The following LTN1 variants were observed in gnomAD, a reference collection of about 807,000 sequenced individuals.
LTN1 encodes listerin E3 ubiquitin protein ligase 1.
LTN1 carries 88 observed loss-of-function variants against 201.2 expected under a neutral mutation model. That is an observed-to-expected ratio of 0.44 (90% CI 0.37 to 0.52). The LOEUF is 0.52. LTN1 is among the 20% of genes least tolerant of loss of function. The pLI, the probability that LTN1 is intolerant of heterozygous loss-of-function variation, is 0.00. For synonymous variants in LTN1, 645 were observed against 713.5 expected (o/e 0.90, Z 1.53); for missense variants, 1,752 against 2,038.7 (o/e 0.86, Z 2.71).
rs2084683841 is a variant in LTN1, at chr21:28,984,754, C to T, written c.514G>A (p.Ala172Thr). 15 of 1,614,132 alleles carry T rather than the reference C, an allele frequency of 9.3e-6. No homozygotes were observed. Among genetic ancestry groups the T allele is most frequent in the Non-Finnish European group, 1.3e-5 (15 of 1,180,012 alleles). ...GGTTGCTTGCTTGGAGGAAAAGCCG[C>T]TTCAAATGCATCTTTTGCTGCAAAC... ...AAFAAKDAFEAAFPPSKQPEA... is the reference protein window; with the variant it reads ...AAFAAKDAFETAFPPSKQPEA... Residue 172 changes from alanine (A) to threonine (T), a missense_variant, in exon 4 of 30, where the codon GCG becomes ACG. Physicochemically the swap from Ala to Thr is moderately conservative, Grantham distance 58. Around this residue, in one of 3 missense-constraint regions of LTN1, gnomAD observed 280 missense variants for 375.7 expected, o/e 0.75. Transcript: ENST00000361371.
At chr21:28,953,686 A>G (rs1317436105) in intron 16 of LTN1, among the ~76,000 whole-genome samples, 1 of 152,204 alleles carries the variant, frequency 6.6e-6, no homozygotes, top group Non-Finnish European at 1.5e-5. Context: ...CAATTGGTAA[A>G]AAGTTCCAGA....
At chr21:28,930,613 G>A (rs2084203202) in intron 29 of LTN1, 103 bp from the exon 30 acceptor site, 1 of 714,864 alleles carries the variant, frequency 1.4e-6, no homozygotes, top group African/African-American at 1.8e-5. Context: ...AAATGATAAA[G>A]TGAAAAGGGA....
intron 6 of LTN1, among the ~76,000 whole-genome samples, chr21:28,974,101 A>C (rs868761784): frequency 6.6e-6 from 1 of 152,168 alleles, no homozygotes; most frequent in African/African-American, 2.4e-5. Flanking sequence ...TAAGACATCA[A>C]TCTATTAACT....
intron 21 of LTN1, among the ~76,000 whole-genome samples, chr21:28,945,251 A>C (rs1443981277): frequency 6.6e-6 from 1 of 152,100 alleles, no homozygotes; most frequent in Non-Finnish European, 1.5e-5. Context: ...AAAGAAAGAA[A>C]GAAAACTGAG....
rs990259845 is a variant in LTN1 at position 28,928,861 on chromosome 21, G to A, written c.*1587C>T. ...GTCTTATTATAAAACCATTTTTAAAGGAAAAGTAATAACTTTCACGGGGAG... is the reference window on the plus strand; with the variant it reads ...GTCTTATTATAAAACCATTTTTAAAAGAAAAGTAATAACTTTCACGGGGAG... On this transcript the variant is annotated 3_prime_UTR_variant, in exon 30 of 30. Transcript: ENST00000361371. The A allele has an allele frequency of 1.3e-5, 2 of 152,400 alleles. No individual in the cohort carries two copies. Among genetic ancestry groups the A allele is most frequent in the African/African-American group, 4.8e-5 (2 of 41,396 alleles). 9.4% of individuals were successfully genotyped at this position (152,400 alleles called of 1,614,324 possible).
intron 6 of LTN1, among the ~76,000 whole-genome samples, chr21:28,975,339 C>T (rs925554702): frequency 6.6e-6 from 1 of 152,070 alleles, no homozygotes; most frequent in African/African-American, 2.4e-5. Context: ...AAGATTACAA[C>T]AGACACCTCC....
chr21:28,981,506 T>C (rs1012607870), intron 5 of LTN1, among the ~76,000 whole-genome samples: 10 of 152,196 alleles, frequency 6.6e-5, no homozygotes, highest in East Asian at 1.9e-4. Flanking sequence ...AAGGTGAAAG[T>C]AGACGAAAAG....
chr21:28,980,320 A>G (rs1451326084), intron 6 of LTN1, among the ~76,000 whole-genome samples: 1 of 147,328 alleles, frequency 6.8e-6, no homozygotes, highest in East Asian at 2.0e-4. Flanking sequence ...CGTGAGTTCA[A>G]TGCTAATGAA....
chr21:28,945,727 G>A, intron 21 of LTN1, 80 bp downstream of exon 21: 1 of 1,282,366 alleles, frequency 7.8e-7, no homozygotes, highest in East Asian at 2.3e-5. Flanking sequence ...ATCACTTAAA[G>A]AATGAGATTA....
At chr21:28,945,226 TA>T (rs915564092) in intron 21 of LTN1, among the ~76,000 whole-genome samples, 20 of 150,062 alleles carry the variant, frequency 1.3e-4, no homozygotes, top group African/African-American at 4.9e-4. Flanking sequence ...ATCTCAAATT[TA>T]AAAAAAAAGA....
At chr21:28,930,726 CA>C (rs1276536553) in intron 29 of LTN1, among the ~76,000 whole-genome samples, 1 of 152,178 alleles carries the variant, frequency 6.6e-6, no homozygotes, top group Admixed American at 6.5e-5. Context: ...GGCTCATGCA[CA>C]CAATCACTAA....
In LTN1 at chr21:28,959,438, T is replaced by C. The variant is rs2084455596; in HGVS notation, c.2593+20A>G. The C allele has an allele frequency of 1.2e-6, 2 of 1,605,558 alleles. No individual in the cohort carries two copies. Among genetic ancestry groups the C allele is most frequent in the Admixed American group, 1.7e-5 (1 of 59,012 alleles). On this transcript the variant is annotated intron_variant, in intron 13 of 29. Coordinates refer to ENST00000361371, the MANE Select transcript of LTN1 (RefSeq NM_015565.3). The stretch of plus-strand genomic sequence containing the variant: ...AGAGCCGGAGATTCCCAACAAAACA[T>C]TTGAGCAGTAGGCTATTACCTGGCA...
In LTN1 at chr21:28,931,234, G is replaced by C; in HGVS notation, c.5159C>G (p.Ser1720Ter). ...GGAATAGTTGAAACCGTGAATGACT[G>C]AGAAACAGATCATGCAATCTTCAAC... ...EGVEDCMICF[S>*]VIHGFNYSLP... is the part of the protein sequence containing the mutation. The change falls in exon 29 of 30, where the codon TCA (serine) becomes TGA (stop). Residue 1720 changes from serine to a stop codon, truncating the protein, a stop_gained. Coordinates refer to ENST00000361371, the MANE Select transcript of LTN1 (RefSeq NM_015565.3). LOFTEE classifies it high-confidence loss of function. 6.2e-7 allele frequency: 1 copy of C among 1,613,118 alleles called. No homozygotes were observed. Among genetic ancestry groups the C allele is most frequent in the Non-Finnish European group, 8.5e-7 (1 of 1,179,194 alleles).
In LTN1 at chr21:28,947,155, C is replaced by T. The variant is rs544406980; in HGVS notation, c.3487+309G>A. On this transcript the variant is annotated intron_variant, in intron 19 of 29. Transcript: ENST00000361371. ...AGTGCAGTGTTTTAAATACAACAGA[C>T]GCTATTTTTGCCTTTATATGTTCAA... 1.8e-4 allele frequency among the ~76,000 whole-genome samples: 27 copies of T among 152,256 alleles called. 1 individual carries two copies. The highest frequency in any genetic ancestry group is 3.3e-4 in the Admixed American group (5 of 15,290).
chr21:28,941,473 T>G, intron 24 of LTN1, 67 bp from the exon 25 acceptor site: 1 of 1,267,828 alleles, frequency 7.9e-7, no homozygotes, highest in Non-Finnish European at 1.1e-6. Flanking sequence ...TTGACAGTAC[T>G]TGTAAACTTC....
chr21:28,947,831 CT>C (rs1285164987), intron 18 of LTN1, among the ~76,000 whole-genome samples: 1 of 150,782 alleles, frequency 6.6e-6, no homozygotes, highest in Non-Finnish European at 1.5e-5. Flanking sequence ...GCATATATAA[CT>C]TTTCCCCATA....
In LTN1 at chr21:28,966,818, G is replaced by A; in HGVS notation, c.1673C>T (p.Ser558Leu). The A allele has an allele frequency of 6.2e-7, 1 of 1,612,294 alleles. No individual in the cohort carries two copies. Among genetic ancestry groups the A allele is most frequent in the Non-Finnish European group, 8.5e-7 (1 of 1,179,496 alleles). Reference protein sequence around the residue: ...SNKENEKCVSSEGEKIEGWEL... With the variant: ...SNKENEKCVSLEGEKIEGWEL... ...CCAGCCTTCAATCTTCTCTCCTTCTGAAGATACACATTTTTCATTCTCTTT... is the reference window on the plus strand; with the variant it reads ...CCAGCCTTCAATCTTCTCTCCTTCTAAAGATACACATTTTTCATTCTCTTT... Residue 558 changes from serine (S) to leucine (L), a missense_variant, in exon 10 of 30, where the codon TCA (serine) becomes TTA (leucine). Transcript: ENST00000361371.
intron 6 of LTN1, among the ~76,000 whole-genome samples, chr21:28,972,058 G>A (rs534338280): frequency 2.0e-5 from 3 of 152,296 alleles, no homozygotes; most frequent in South Asian, 4.1e-4. Context: ...ATTAAGAAGC[G>A]AGGACTCTAG....
chr21:28,980,110 C>T (rs1464739080), intron 6 of LTN1, among the ~76,000 whole-genome samples: 1 of 152,272 alleles, frequency 6.6e-6, no homozygotes, highest in South Asian at 2.1e-4. Context: ...AGCTCTCATA[C>T]TGTAAACAAG....
Sources: gnomAD v4.1 joint callset for allele counts (sites outside exome capture counted in the v4.1 genomes callset) on GRCh38, gnomAD v4.1.1 for gene constraint, gnomAD v4.1.1 regional missense constraint, MANE v1.5 for transcripts, NCBI Gene and HGNC (gene_info 2026-07-23, HGNC 2026-07-21) for gene names.